The following SORCS1 variants were observed in gnomAD, a reference collection of about 807,000 sequenced individuals.
The protein encoded by SORCS1 is sortilin related VPS10 domain containing receptor 1, also known as VPS10 domain-containing receptor SorCS1.
In SORCS1, 60 loss-of-function variants were observed where a neutral mutation model predicts 146.1. The ratio of observed to expected loss-of-function variants is 0.41; its 90% confidence interval spans 0.33 to 0.51. The LOEUF is 0.51. Ranked by LOEUF, SORCS1 falls within the 20% of genes least tolerant of loss-of-function variation. The probability of loss-of-function intolerance (pLI) is 0.21; values close to 1 mark genes in which losing one functional copy is unlikely to be tolerated. For synonymous variants in SORCS1, 637 were observed against 584.0 expected (o/e 1.09, Z -1.31); for missense variants, 1,352 against 1,487.6 (o/e 0.91, Z 1.50).
intron 1 of SORCS1, among the ~76,000 whole-genome samples, chr10:107,017,943 T>C (rs574521590): frequency 1.3e-5 from 2 of 151,490 alleles, no homozygotes; most frequent in African/African-American, 4.8e-5. Flanking sequence ...TGGGATTACA[T>C]GCATGAACCA....
chr10:106,801,691 G>A (rs965546373), intron 3 of SORCS1, among the ~76,000 whole-genome samples: 82 of 151,962 alleles, frequency 5.4e-4, no homozygotes, highest in African/African-American at 1.8e-3. Flanking sequence ...CACCACGCCC[G>A]GCTAATTTTT....
chr10:106,815,392 C>T (rs1947688151), intron 3 of SORCS1, among the ~76,000 whole-genome samples: 1 of 152,190 alleles, frequency 6.6e-6, no homozygotes, highest in African/African-American at 2.4e-5. Flanking sequence ...CAACAAGGCC[C>T]TCTCCCACAT....
At chr10:107,165,780 T>C (rs980490675), upstream of SORCS1, among the ~76,000 whole-genome samples, 3 of 152,218 alleles carry the variant, frequency 2.0e-5, no homozygotes, top group African/African-American at 7.2e-5. The surrounding 1 kb of genome is among the most constrained non-coding windows in gnomAD (Gnocchi z 4.0). Flanking sequence ...GATGGTGCTC[T>C]GCCACTGGTT....
intron 18 of SORCS1, among the ~76,000 whole-genome samples, chr10:106,630,483 T>A (rs1848378729): frequency 2.0e-5 from 3 of 152,146 alleles, no homozygotes; most frequent in African/African-American, 7.2e-5. Flanking sequence ...CACTTCCAGG[T>A]CATTCATTAT....
intron 1 of SORCS1, among the ~76,000 whole-genome samples, chr10:107,084,165 G>A (rs1289106864): frequency 1.4e-5 from 2 of 140,326 alleles, no homozygotes; most frequent in East Asian, 2.1e-4. Flanking sequence ...GTGAGATCTC[G>A]GCTCACTGCA....
chr10:106,941,776 G>A (rs1382836326), intron 2 of SORCS1, among the ~76,000 whole-genome samples: 3 of 152,194 alleles, frequency 2.0e-5, no homozygotes, highest in Non-Finnish European at 4.4e-5. Flanking sequence ...AAAAAATGGT[G>A]ACTAGCAAGA....
chr10:106,724,236 T>C (rs964574617), intron 6 of SORCS1, among the ~76,000 whole-genome samples: 2 of 152,144 alleles, frequency 1.3e-5, no homozygotes, highest in Admixed American at 6.5e-5. Context: ...AGGCCGGGCA[T>C]GGTGGCTCAC....
At chr10:106,740,504 CT>C (rs1481375752) in intron 5 of SORCS1, among the ~76,000 whole-genome samples, 4 of 152,036 alleles carry the variant, frequency 2.6e-5, no homozygotes, top group African/African-American at 9.7e-5. Context: ...CCTTGTGAAG[CT>C]TACAATTCAA....
chr10:107,033,876 G>C (rs1451586108), intron 1 of SORCS1, among the ~76,000 whole-genome samples: 1 of 152,180 alleles, frequency 6.6e-6, no homozygotes, highest in African/African-American at 2.4e-5. Flanking sequence ...CCAGCCATGT[G>C]GGGTGAGGGA....
intron 1 of SORCS1, among the ~76,000 whole-genome samples, chr10:107,021,364 A>T (rs553967416): frequency 6.6e-6 from 1 of 151,672 alleles, no homozygotes; most frequent in Admixed American, 6.6e-5. Flanking sequence ...CGCAAAAAAA[A>T]TTAGCCGGGC....
At chr10:106,584,580 C>A (rs1845111678) in intron 24 of SORCS1, among the ~76,000 whole-genome samples, 1 of 152,212 alleles carries the variant, frequency 6.6e-6, no homozygotes, top group Non-Finnish European at 1.5e-5. Flanking sequence ...TCCATTTTAA[C>A]CGATCAAATA....
Position 106,620,468 on chromosome 10 carries a change from C to T in SORCS1, c.2756G>A (p.Gly919Asp). The T allele has an allele frequency of 3.1e-6, 5 of 1,613,956 alleles. No individual in the cohort carries two copies. Among genetic ancestry groups the T allele is most frequent in the Non-Finnish European group, 4.2e-6 (5 of 1,179,868 alleles). Residue 919 changes from glycine (G) to aspartate (D), a missense_variant, in exon 20 of 26, where the codon GGC (glycine) becomes GAC (aspartate). Physicochemically the swap from Gly to Asp is moderately conservative, Grantham distance 94. Transcript: ENST00000263054. The stretch of plus-strand genomic sequence containing the variant: ...GTACCACCACACGTAAGTGAGGGTG[C>T]CCACTTGGCTGGGCCACAGCACTGC... ...ATAVLWPSQV[G>D]TLTYVWWYGN... is the part of the protein sequence containing the mutation.
chr10:106,661,924 G>A (rs1850759490), intron 17 of SORCS1, among the ~76,000 whole-genome samples: 1 of 152,210 alleles, frequency 6.6e-6, no homozygotes, highest in South Asian at 2.1e-4. Flanking sequence ...AGGCTGAATA[G>A]AGGCAGGGAG....
upstream of SORCS1, among the ~76,000 whole-genome samples, chr10:107,166,751 T>C (rs892483341): frequency 6.6e-6 from 1 of 152,192 alleles, no homozygotes; most frequent in Non-Finnish European, 1.5e-5. Flanking sequence ...GATAAGTACA[T>C]GGGAATTCCT....
intron 1 of SORCS1, among the ~76,000 whole-genome samples, chr10:106,987,847 GATA>G (rs936506273): frequency 1.3e-5 from 2 of 152,000 alleles, no homozygotes; most frequent in African/African-American, 4.8e-5. Context: ...TTTTAAATAA[GATA>G]ATAATTTTTA....
chr10:107,033,323 C>T (rs1466859822), intron 1 of SORCS1, among the ~76,000 whole-genome samples: 3 of 152,076 alleles, frequency 2.0e-5, no homozygotes, highest in South Asian at 2.1e-4. Context: ...CACTGAGGAT[C>T]GCAACTCGAA....
chr10:106,667,035 C>A (rs559919392), intron 17 of SORCS1: 1 of 152,300 alleles, frequency 6.6e-6, no homozygotes, highest in South Asian at 2.1e-4. Context: ...AGGTTCTACA[C>A]ACTATTTTAA....
intron 2 of SORCS1, among the ~76,000 whole-genome samples, chr10:106,871,481 G>T (rs1045074200): frequency 6.6e-6 from 1 of 152,128 alleles, no homozygotes. Flanking sequence ...GCAAAGACAT[G>T]GAATCAACCT....
intron 2 of SORCS1, among the ~76,000 whole-genome samples, chr10:106,876,526 T>C (rs528118704): frequency 6.6e-6 from 1 of 152,300 alleles, no homozygotes; most frequent in African/African-American, 2.4e-5. Context: ...GCCAGTCTGG[T>C]TGCTCTAGGG....
Sources: allele counts gnomAD v4.1 joint callset (sites outside exome capture counted in the v4.1 genomes callset), GRCh38; gene constraint gnomAD v4.1.1; non-coding constraint Gnocchi (gnomAD v3.1); transcripts MANE v1.5; gene names NCBI Gene and HGNC (gene_info 2026-07-23, HGNC 2026-07-21).